Variants in PTPRD observed in about 807,000 individuals in gnomAD.
The protein encoded by PTPRD is protein tyrosine phosphatase receptor type D.
A neutral mutation model predicts 214.5 loss-of-function variants in PTPRD; 34 were observed. That is an observed-to-expected ratio of 0.16 (90% CI 0.12 to 0.21). The LOEUF (loss-of-function observed/expected upper bound fraction) is 0.21. Ranked by LOEUF, PTPRD falls within the 10% of genes least tolerant of loss-of-function variation. The probability of loss-of-function intolerance (pLI) is 1.00; values close to 1 mark genes in which losing one functional copy is unlikely to be tolerated. For missense variants in PTPRD, 2,545 were observed against 2,398.7 expected (o/e 1.06, Z -1.27); for synonymous variants, 1,128 against 845.7 (o/e 1.33, Z -5.79).
intron 2 of PTPRD, among the ~76,000 whole-genome samples, chr9:10,498,638 G>A (rs1469244701): frequency 6.6e-6 from 1 of 151,582 alleles, no homozygotes; most frequent in Non-Finnish European, 1.5e-5. Context: ...ATATCTTATA[G>A]CCTGAGACAC....
At chr9:8,828,901 G>A (rs529923043) in intron 11 of PTPRD, among the ~76,000 whole-genome samples, 112 of 152,108 alleles carry the variant, frequency 7.4e-4, no homozygotes, top group South Asian at 1.9e-3. Flanking sequence ...CTTAGGGTGC[G>A]TTCATCTTCA....
chr9:9,095,041 G>T (rs1168635814), intron 10 of PTPRD, among the ~76,000 whole-genome samples: 1 of 152,024 alleles, frequency 6.6e-6, no homozygotes, highest in African/African-American at 2.4e-5. Flanking sequence ...ACCAACAACT[G>T]ATATCAACAT....
chr9:9,158,866 A>G (rs1226840499), intron 10 of PTPRD, among the ~76,000 whole-genome samples: 2 of 152,200 alleles, frequency 1.3e-5, no homozygotes, highest in Non-Finnish European at 2.9e-5. Context: ...CACCATGATC[A>G]AGTGGGATTT....
chr9:10,089,137 T>C (rs1007766426), intron 3 of PTPRD, among the ~76,000 whole-genome samples: 4 of 150,658 alleles, frequency 2.7e-5, no homozygotes, highest in African/African-American at 9.8e-5. Context: ...AGCCTAGGAG[T>C]TTGAGGTTGC....
intron 2 of PTPRD, among the ~76,000 whole-genome samples, chr9:10,431,308 G>T (rs899025677): frequency 6.6e-6 from 1 of 151,858 alleles, no homozygotes; most frequent in South Asian, 2.1e-4. Context: ...AGACTTAAAC[G>T]TTAGACCTAA....
In PTPRD at chr9:9,071,205, C is replaced by T. The variant is rs114880332; in HGVS notation, c.-142-52470G>A. Among the ~76,000 whole-genome samples, 1,116 of 152,280 alleles carry T rather than the reference C, an allele frequency of 7.3e-3. 24 individuals are homozygous for T. The highest frequency in any genetic ancestry group is 0.025 in the African/African-American group (1,057 of 41,566). Reference sequence around the variant, plus strand: ...CTTGGAGTGGCTTGCATGACCCTTTCGCCTCTACCCTGAACTTTTATATTC... The same window carrying T: ...CTTGGAGTGGCTTGCATGACCCTTTTGCCTCTACCCTGAACTTTTATATTC... On this transcript the variant is annotated intron_variant, in intron 10 of 45. Transcript: ENST00000381196.
Position 10,554,515 on chromosome 9 carries a change from T to G in PTPRD, c.-600+57883A>C, listed in dbSNP as rs185446438. 1.5e-3 allele frequency among the ~76,000 whole-genome samples: 229 copies of G among 152,310 alleles called. 1 individual carries two copies. Among genetic ancestry groups the G allele is most frequent in the African/African-American group, 5.3e-3 (220 of 41,566 alleles). On this transcript the variant is annotated intron_variant, in intron 2 of 45. Coordinates refer to ENST00000381196, the MANE Select transcript of PTPRD (RefSeq NM_002839.4). ...ATCATTGAATATTATCCACAGTTTT[T>G]TCTTTAACCCTCTAGTTTCATAACA...
At chr9:9,316,093 T>A (rs1448360650) in intron 9 of PTPRD, among the ~76,000 whole-genome samples, 1 of 151,768 alleles carries the variant, frequency 6.6e-6, no homozygotes, top group Non-Finnish European at 1.5e-5. Context: ...ATATTGACAG[T>A]CAATTAGGAT....
At chr9:10,268,773 G>A (rs2094247589) in intron 3 of PTPRD, among the ~76,000 whole-genome samples, 1 of 152,280 alleles carries the variant, frequency 6.6e-6, no homozygotes, top group Admixed American at 6.5e-5. Context: ...GCTACCGTCT[G>A]TTTTATGCTA....
intron 27 of PTPRD, among the ~76,000 whole-genome samples, chr9:8,489,839 A>G (rs2097113118): frequency 6.6e-6 from 1 of 152,216 alleles, no homozygotes. Flanking sequence ...CAGAAACACT[A>G]TAGGTATCAA....
intron 11 of PTPRD, among the ~76,000 whole-genome samples, chr9:8,788,973 C>T (rs1599819374): frequency 6.6e-6 from 1 of 152,214 alleles, no homozygotes; most frequent in South Asian, 2.1e-4. Flanking sequence ...ATAACTTTAT[C>T]TAGCTATATA....
In PTPRD at chr9:8,521,440, A is replaced by G. The variant is rs773698964; in HGVS notation, c.798T>C (p.Tyr266=). The G allele has an allele frequency of 3.7e-6, 6 of 1,613,972 alleles. No individual in the cohort carries two copies. In the Admixed American group the frequency reaches 8.3e-5, roughly 22 times the overall value. The change falls in exon 20 of 46, where the codon TAT becomes TAC. Residue 266 remains tyrosine (Y), a synonymous_variant. Coordinates refer to ENST00000381196, the MANE Select transcript of PTPRD (RefSeq NM_002839.4). ...CTTCTGCCCCCAACATCCACTTTACATAAGGCATTGGTGACCCCACGGCCA... is the reference window on the plus strand; with the variant it reads ...CTTCTGCCCCCAACATCCACTTTACGTAAGGCATTGGTGACCCCACGGCCA... ...TCVAVGSPMP[Y]VKWMLGAEDL...
chr9:8,569,236 G>A (rs2090382973), intron 14 of PTPRD, among the ~76,000 whole-genome samples: 1 of 152,034 alleles, frequency 6.6e-6, no homozygotes, highest in African/African-American at 2.4e-5. Flanking sequence ...AACTTCCAGA[G>A]GAAAAGGTTA....
intron 10 of PTPRD, among the ~76,000 whole-genome samples, chr9:9,084,366 C>A (rs1056310362): frequency 6.6e-6 from 1 of 152,016 alleles, no homozygotes; most frequent in African/African-American, 2.4e-5. Context: ...AACATATGGA[C>A]ACAGGGAGGG....
intron 5 of PTPRD, among the ~76,000 whole-genome samples, chr9:9,925,357 T>C (rs2083903137): frequency 6.6e-6 from 1 of 151,796 alleles, no homozygotes; most frequent in Non-Finnish European, 1.5e-5. Flanking sequence ...CAAAGTTGAG[T>C]TTTTAAGGTA....
chr9:9,235,250 C>T (rs1301459754), intron 9 of PTPRD, among the ~76,000 whole-genome samples: 1 of 152,120 alleles, frequency 6.6e-6, no homozygotes, highest in East Asian at 1.9e-4. Context: ...TAATCAGCTC[C>T]ATGATTCAAT....
At chr9:9,476,773 T>C (rs1393538385) in intron 8 of PTPRD, among the ~76,000 whole-genome samples, 1 of 152,178 alleles carries the variant, frequency 6.6e-6, no homozygotes, top group East Asian at 1.9e-4. Flanking sequence ...TTTTCTCTTG[T>C]TGCCCAGGCT....
In PTPRD at chr9:8,554,092, G is replaced by A. The variant is rs988285703; in HGVS notation, c.353-25313C>T. 7.2e-5 allele frequency among the ~76,000 whole-genome samples: 11 copies of A among 152,254 alleles called. 1 individual carries two copies. The East Asian group carries it at 2.1e-3, about 29-fold the overall frequency. On this transcript the variant is annotated intron_variant, in intron 14 of 45. Transcript: ENST00000381196. The stretch of plus-strand genomic sequence containing the variant: ...AATCCCAGCTACTTGGAAGGCTGAG[G>A]CAGTAGAATCACTTGAACCCAGGAG...
chr9:10,066,344 T>A (rs2097884267), intron 3 of PTPRD, among the ~76,000 whole-genome samples: 1 of 151,928 alleles, frequency 6.6e-6, no homozygotes, highest in Non-Finnish European at 1.5e-5. Flanking sequence ...CCCGTTTCAA[T>A]GGATTCCTGA....
Sources: allele counts gnomAD v4.1 joint callset (sites outside exome capture counted in the v4.1 genomes callset), GRCh38; gene constraint gnomAD v4.1.1; transcripts MANE v1.5; gene names NCBI Gene and HGNC (gene_info 2026-07-23, HGNC 2026-07-21).